The following TRIM14 variants were observed in gnomAD, a reference collection of about 807,000 sequenced individuals.
The protein encoded by TRIM14 is tripartite motif-containing protein 14.
A neutral mutation model predicts 44.5 loss-of-function variants in TRIM14; 28 were observed. That is an observed-to-expected ratio of 0.63 (90% CI 0.47 to 0.86). The LOEUF (loss-of-function observed/expected upper bound fraction) is 0.86, where lower values mean the gene tolerates loss of function less well. Among genes scored for constraint, TRIM14 ranks in the 40% least tolerant of loss-of-function variants. The pLI is 0.00. For synonymous variants in TRIM14, 299 were observed against 269.2 expected (o/e 1.11, Z -1.08); for missense variants, 607 against 611.1 (o/e 0.99, Z 0.07).
At chr9:98,052,988 T>C in the TRIM14 span, among the ~76,000 whole-genome samples, 1 of 151,846 alleles carries the variant, frequency 6.6e-6, no homozygotes, top group Non-Finnish European at 1.5e-5. Context: ...ATAATTAGAG[T>C]CTCCCCAAAG....
rs114675792 is a variant in TRIM14, at chr9:98,103,347, T to C, written c.304-3183A>G. Among the ~76,000 whole-genome samples the C allele has an allele frequency of 3.7e-3, 560 of 152,172 alleles. 3 individuals carry two copies. Among genetic ancestry groups the C allele is most frequent in the African/African-American group, 0.013 (533 of 41,516 alleles). On this transcript the variant is annotated intron_variant, in intron 2 of 5. Transcript: ENST00000341469. ...AAAACATAATAAAACAAAACCTGTATATGGACATATGTATACATCTATATA... is the reference window on the plus strand; with the variant it reads ...AAAACATAATAAAACAAAACCTGTACATGGACATATGTATACATCTATATA...
At chr9:98,056,688 G>A in the TRIM14 span, 1 of 1,430,150 alleles carries the variant, frequency 7.0e-7, no homozygotes, top group Non-Finnish European at 9.3e-7. Context: ...GGCGACCGCG[G>A]GCTGACGTGG....
chr9:98,054,473 G>A, the TRIM14 span, among the ~76,000 whole-genome samples: 12 of 152,142 alleles, frequency 7.9e-5, no homozygotes, highest in Non-Finnish European at 1.5e-4. Context: ...GGAAAGGGGT[G>A]TTGGCAGCAC....
chr9:98,081,193 A>G, downstream of TRIM14: 5 of 1,440,928 alleles, frequency 3.5e-6, 1 homozygote, highest in South Asian at 6.5e-5. Context: ...TGATGAAATG[A>G]TCAGTGAATG....
chr9:98,088,342 T>C (rs759900585), intron 5 of TRIM14, among the ~76,000 whole-genome samples: 6 of 92,162 alleles, frequency 6.5e-5, no homozygotes, highest in Non-Finnish European at 1.1e-4. Context: ...TGCTGCTTTA[T>C]AGCTTTTCTT....
chr9:98,065,078 G>A (rs1829096521), downstream of TRIM14, among the ~76,000 whole-genome samples: 1 of 152,184 alleles, frequency 6.6e-6, no homozygotes, highest in African/African-American at 2.4e-5. Context: ...GTTCAAACTG[G>A]TGACATAGCA....
In TRIM14 at chr9:98,103,836, C is replaced by CAAAAA. The variant is rs60368742; in HGVS notation, c.304-3677_304-3673dup. On this transcript the variant is annotated intron_variant, in intron 2 of 5. Transcript: ENST00000341469. ...CTGGCAACAGAGCGAGACTCCGTCTCAAAAAAAAAAAAAAAAAAAATTAAA... is the reference window on the plus strand; with the variant it reads ...CTGGCAACAGAGCGAGACTCCGTCTCAAAAAAAAAAAAAAAAAAAAAAAAATTAAA... Among the ~76,000 whole-genome samples the CAAAAA allele has an allele frequency of 1.7e-3, 127 of 74,578 alleles. 5 individuals are homozygous for CAAAAA. The highest frequency in any genetic ancestry group is 3.9e-3 in the African/African-American group (76 of 19,680). The allele number at this position is 74,578 out of a possible 152,430, so 48.9% of individuals were successfully genotyped here.
chr9:98,098,526 A>G (rs1413535583), intron 3 of TRIM14, among the ~76,000 whole-genome samples: 1 of 151,404 alleles, frequency 6.6e-6, no homozygotes, highest in Non-Finnish European at 1.5e-5. Context: ...CCTGGCTAAC[A>G]TGGTGAAACC....
chr9:98,114,563 C>T (rs751722023), intron 1 of TRIM14, among the ~76,000 whole-genome samples: 1 of 152,256 alleles, frequency 6.6e-6, no homozygotes, highest in African/African-American at 2.4e-5. Flanking sequence ...ACCTCGTGAT[C>T]GGCCCGCCTC....
At chr9:98,099,556 C>T (rs1826313538) in intron 3 of TRIM14, among the ~76,000 whole-genome samples, 1 of 151,922 alleles carries the variant, frequency 6.6e-6, no homozygotes, top group South Asian at 2.1e-4. Context: ...GACCTGATAC[C>T]AGCTCTGCTA....
At chr9:98,114,843 G>C (rs916580892) in intron 1 of TRIM14, among the ~76,000 whole-genome samples, 21 of 152,184 alleles carry the variant, frequency 1.4e-4, no homozygotes, top group African/African-American at 4.1e-4. Context: ...CCAACATCAA[G>C]CAGAGCAAGA....
chr9:98,114,601 C>T (rs544177822), intron 1 of TRIM14, among the ~76,000 whole-genome samples: 20 of 152,148 alleles, frequency 1.3e-4, no homozygotes, highest in Non-Finnish European at 2.5e-4. Context: ...GGATTACAGG[C>T]GTGAGCCACC....
intron 2 of TRIM14, among the ~76,000 whole-genome samples, chr9:98,104,124 C>T (rs567450671): frequency 3.3e-5 from 5 of 152,162 alleles, no homozygotes; most frequent in Non-Finnish European, 7.3e-5. Flanking sequence ...ATACACAGGC[C>T]TATGGATTAT....
At chr9:98,098,747 A>G (rs773352407) in intron 3 of TRIM14, among the ~76,000 whole-genome samples, 5 of 151,982 alleles carry the variant, frequency 3.3e-5, no homozygotes, top group Admixed American at 6.6e-5. Context: ...CCTCAACAAC[A>G]TGCTTTCTCT....
chr9:98,089,133 A>AT (rs1290021625), intron 5 of TRIM14, among the ~76,000 whole-genome samples: 1 of 151,980 alleles, frequency 6.6e-6, no homozygotes, highest in Non-Finnish European at 1.5e-5. Flanking sequence ...TATTTTTAAG[A>AT]TTTTCCCCCT....
At chr9:98,082,232 C>G (rs1221029595), downstream of TRIM14, 1 of 152,204 alleles carries the variant, frequency 6.6e-6, no homozygotes, top group African/African-American at 2.4e-5. Context: ...GCCACATTCA[C>G]CATCTTATGA....
rs1826112584 is a variant in TRIM14, at chr9:98,094,544, C to T, written c.700+323G>A. Among the ~76,000 whole-genome samples, 3 of 152,226 alleles carry T rather than the reference C, an allele frequency of 2.0e-5. No individual in the cohort carries two copies. The South Asian group carries it at 6.2e-4, about 32-fold the overall frequency. On this transcript the variant is annotated intron_variant, in intron 4 of 5. Transcript: ENST00000341469. ...TCGAAGGGGTGCCAGGCCTTGGCCC[C>T]AGCCAGAGGAAGAGAAGGAGGAAGA...
the TRIM14 span, among the ~76,000 whole-genome samples, chr9:98,058,640 T>A: frequency 6.6e-6 from 1 of 152,212 alleles, no homozygotes; most frequent in Non-Finnish European, 1.5e-5. Flanking sequence ...AACAAAGCTG[T>A]ACTGACCAGG....
the TRIM14 span, chr9:98,057,062 C>G: frequency 7.6e-7 from 1 of 1,315,120 alleles, no homozygotes; most frequent in Non-Finnish European, 1.0e-6. Context: ...TTCCCGCCCG[C>G]CAGTTCCGTT....
Sources: allele counts gnomAD v4.1 joint callset (sites outside exome capture counted in the v4.1 genomes callset), GRCh38; gene constraint gnomAD v4.1.1; transcripts MANE v1.5; gene names NCBI Gene and HGNC (gene_info 2026-07-23, HGNC 2026-07-21).